The following GOLGA4 variants were observed in gnomAD, a reference collection of about 807,000 sequenced individuals.
GOLGA4 encodes the protein golgin subfamily A member 4.
GOLGA4 carries 169 observed loss-of-function variants against 265.9 expected under a neutral mutation model. That is an observed-to-expected ratio of 0.64 (90% CI 0.56 to 0.72). The LOEUF is 0.72. Ranked by LOEUF, GOLGA4 falls within the 30% of genes least tolerant of loss-of-function variation. GOLGA4 has a pLI of 0.00. For missense variants in GOLGA4, 2,482 were observed against 2,483.4 expected (o/e 1.00, Z 0.01); for synonymous variants, 923 against 855.8 (o/e 1.08, Z -1.37).
intron 23 of GOLGA4, among the ~76,000 whole-genome samples, chr3:37,364,328 C>T (rs1470734750): frequency 2.0e-5 from 3 of 152,120 alleles, no homozygotes; most frequent in East Asian, 1.9e-4. Context: ...GCAACCTCCA[C>T]CTCCCAGGCT....
intron 3 of GOLGA4, among the ~76,000 whole-genome samples, chr3:37,283,304 A>C (rs963227587): frequency 6.6e-6 from 1 of 152,188 alleles, no homozygotes; most frequent in African/African-American, 2.4e-5. Flanking sequence ...TAAACAAGGC[A>C]CTAAAGCCAT....
intron 20 of GOLGA4, among the ~76,000 whole-genome samples, chr3:37,340,823 T>G (rs1289754629): frequency 1.3e-5 from 2 of 152,170 alleles, no homozygotes; most frequent in East Asian, 3.9e-4. Context: ...GGTTAATCTG[T>G]TTTTTACAAT....
intron 10 of GOLGA4, among the ~76,000 whole-genome samples, chr3:37,306,560 A>G (rs75941711): frequency 0.012 from 1,847 of 150,538 alleles, 44 homozygotes; most frequent in African/African-American, 0.043. Context: ...GATAGGAGAT[A>G]GGGGTAGCTA....
chr3:37,346,069 A>T (rs1469761176), intron 20 of GOLGA4, among the ~76,000 whole-genome samples: 1 of 152,184 alleles, frequency 6.6e-6, no homozygotes, highest in Non-Finnish European at 1.5e-5. Context: ...ATAGAAGGAT[A>T]TATTACTCAG....
intron 10 of GOLGA4, chr3:37,313,425 C>G (rs913092924): frequency 2.0e-5 from 3 of 152,106 alleles, no homozygotes; most frequent in African/African-American, 7.2e-5. Flanking sequence ...TTCTGAGCTG[C>G]CATAGGTTGA....
At chr3:37,315,652 ATT>A in intron 11 of GOLGA4, 54 bp downstream of exon 11, 1 of 1,394,272 alleles carries the variant, frequency 7.2e-7, no homozygotes, top group Non-Finnish European at 1.0e-6. Context: ...ATTTAAGTGT[ATT>A]TTTCCTTACA....
chr3:37,327,245 C>A lies in GOLGA4; in HGVS notation c.5359C>A (p.Gln1787Lys). 2 of 1,613,638 alleles carry A rather than the reference C, an allele frequency of 1.2e-6. No homozygotes were observed. Among genetic ancestry groups the A allele is most frequent in the Non-Finnish European group, 1.7e-6 (2 of 1,179,750 alleles). Reference sequence around the variant, plus strand: ...AAAGCTAGAACATGCTGAGGCAAAGCAACATGAAGATCAAAGTATGATAGG... The same window carrying A: ...AAAGCTAGAACATGCTGAGGCAAAGAAACATGAAGATCAAAGTATGATAGG... ...LIKLEHAEAK[Q>K]HEDQSMIGHL... The change falls in exon 14 of 24, where the codon CAA becomes AAA. Residue 1787 changes from glutamine (Q) to lysine (K), a missense_variant. This residue lies in a region of GOLGA4 where 942 missense variants were observed against 983.1 expected (regional missense o/e 0.96). Transcript: ENST00000361924.
chr3:37,307,305 G>T (rs2096909005), intron 10 of GOLGA4, among the ~76,000 whole-genome samples: 1 of 152,092 alleles, frequency 6.6e-6, no homozygotes, highest in Non-Finnish European at 1.5e-5. Context: ...AAATTCATTA[G>T]AACATATTTA....
chr3:37,282,097 C>A lies in GOLGA4; in HGVS notation c.302C>A (p.Ser101Tyr). The A allele has an allele frequency of 6.2e-7, 1 of 1,614,118 alleles. No individual in the cohort carries two copies. Among genetic ancestry groups the A allele is most frequent in the African/African-American group, 1.3e-5 (1 of 75,030 alleles). The change falls in exon 3 of 24, where the codon TCC (serine) becomes TAC (tyrosine). Residue 101 changes from serine (S) to tyrosine (Y), a missense_variant. Physicochemically the swap from Ser to Tyr is moderately radical, Grantham distance 144. Coordinates refer to ENST00000361924, the MANE Select transcript of GOLGA4 (RefSeq NM_002078.5). ...TTGGTACGAACATCTTCCAGAGAAT[C>A]CCTGAATCGACTTGACCTGGACAGT... ...ESLVRTSSRE[S>Y]LNRLDLDSST...
Position 37,302,251 on chromosome 3 carries a change from G to T in GOLGA4, c.1153G>T (p.Ala385Ser), listed in dbSNP as rs575593049. 6.2e-7 allele frequency: 1 copy of T among 1,612,608 alleles called. No individual in the cohort carries two copies. Among genetic ancestry groups the T allele is most frequent in the African/African-American group, 1.3e-5 (1 of 75,008 alleles). The change falls in exon 10 of 24, where the codon GCT becomes TCT. Residue 385 changes from alanine to serine, a missense_variant. By Grantham distance (99) the Ala-to-Ser change is moderately conservative. Transcript: ENST00000361924. ...CCTGGAAATGAAAGAAGAAGAAATT[G>T]CTCAACTCCGTAGTCGCATCAAACA... Reference protein sequence around the residue: ...ETLEMKEEEIAQLRSRIKQMT... With the variant: ...ETLEMKEEEISQLRSRIKQMT...
chr3:37,255,825 A>G (rs1560276161), intron 2 of GOLGA4, among the ~76,000 whole-genome samples: 1 of 151,286 alleles, frequency 6.6e-6, no homozygotes, highest in Non-Finnish European at 1.5e-5. Flanking sequence ...CAATCTCAGC[A>G]CTACGCAGCT....
intron 5 of GOLGA4, among the ~76,000 whole-genome samples, chr3:37,289,561 G>C (rs926426926): frequency 1.3e-5 from 2 of 152,136 alleles, no homozygotes; most frequent in African/African-American, 4.8e-5. Context: ...GGTTAACTGG[G>C]TTCTTCTGTT....
At chr3:37,335,742 T>G (rs1275285568) in intron 17 of GOLGA4, among the ~76,000 whole-genome samples, 1 of 151,254 alleles carries the variant, frequency 6.6e-6, no homozygotes, top group Non-Finnish European at 1.5e-5. Flanking sequence ...GGCCTGAAGA[T>G]CTAAGCTTTT....
At chr3:37,336,813 A>G (rs2097014971) in intron 17 of GOLGA4, among the ~76,000 whole-genome samples, 2 of 151,888 alleles carry the variant, frequency 1.3e-5, no homozygotes, top group South Asian at 4.2e-4. Context: ...AGAAAGAGAG[A>G]AAGAGAGAGA....
intron 21 of GOLGA4, among the ~76,000 whole-genome samples, chr3:37,351,969 A>G (rs2097076005): frequency 1.3e-5 from 2 of 152,084 alleles, no homozygotes; most frequent in African/African-American, 4.8e-5. Flanking sequence ...AAAGCTTTGA[A>G]GCTTTTGAAC....
Position 37,327,788 on chromosome 3 carries a change from A to G in GOLGA4, c.5902A>G (p.Lys1968Glu). Residue 1968 changes from lysine to glutamate, a missense_variant, in exon 14 of 24, where the codon AAG becomes GAG. Transcript: ENST00000361924. ...GCATCAGCAAGAATTGGAAATACTA[A>G]AGAAAGAATATGATCAAGAAAGGGA... ...KEHQQELEIL[K>E]KEYDQEREEK... 3.1e-6 allele frequency: 5 copies of G among 1,610,868 alleles called. No homozygotes were observed. Among genetic ancestry groups the G allele is most frequent in the Non-Finnish European group, 4.2e-6 (5 of 1,177,762 alleles).
chr3:37,294,523 C>G (rs1348103196), intron 5 of GOLGA4, among the ~76,000 whole-genome samples: 1 of 151,768 alleles, frequency 6.6e-6, no homozygotes, highest in African/African-American at 2.4e-5. Flanking sequence ...TAGCTGGGAC[C>G]ACAGATGCCT....
At chr3:37,315,188 A>G (rs1271286581) in intron 10 of GOLGA4, among the ~76,000 whole-genome samples, 1 of 152,222 alleles carries the variant, frequency 6.6e-6, no homozygotes, top group Non-Finnish European at 1.5e-5. Context: ...TTAGGCTCAT[A>G]TAAACAAGTC....
intron 21 of GOLGA4, among the ~76,000 whole-genome samples, chr3:37,349,772 C>G (rs142519598): frequency 1.7e-4 from 26 of 152,072 alleles, no homozygotes; most frequent in Non-Finnish European, 2.6e-4. Flanking sequence ...ATGTTGTGCT[C>G]TTTGTGATTT....
Sources: gnomAD v4.1 joint callset for allele counts (sites outside exome capture counted in the v4.1 genomes callset) on GRCh38, gnomAD v4.1.1 for gene constraint, gnomAD v4.1.1 regional missense constraint, MANE v1.5 for transcripts, NCBI Gene and HGNC (gene_info 2026-07-23, HGNC 2026-07-21) for gene names.